The following AADACL2 variants were observed in gnomAD, a reference collection of about 807,000 sequenced individuals.
The protein encoded by AADACL2 is arylacetamide deacetylase like 2.
In AADACL2, 23 loss-of-function variants were observed where a neutral mutation model predicts 22.3. The observed-to-expected ratio is 1.03, with a 90% CI of 0.74 to 1.46. The LOEUF is 1.46. AADACL2 is among the 40% of genes most tolerant of loss of function. AADACL2 has a pLI of 0.00. For synonymous variants in AADACL2, 177 were observed against 166.2 expected, an observed-to-expected ratio of 1.07 and a Z score of -0.50; for missense variants, 472 against 482.9, an observed-to-expected ratio of 0.98 and a Z score of 0.21.
rs779655625 is a variant in AADACL2 at position 151,757,337 on chromosome 3, G to A, written c.949G>A (p.Ala317Thr). 1.2e-6 allele frequency: 2 copies of A among 1,613,770 alleles called. No individual in the cohort carries two copies. The highest frequency in any genetic ancestry group is 1.1e-5 in the South Asian group (1 of 91,064). ...YSLPGLTDSRALPLLANDSQL... is the reference protein window; with the variant it reads ...YSLPGLTDSRTLPLLANDSQL... Reference sequence around the variant, plus strand: ...ATTGCCAGGACTTACAGACAGCAGAGCATTACCCTTGTTGGCCAATGATTC... The same window carrying A: ...ATTGCCAGGACTTACAGACAGCAGAACATTACCCTTGTTGGCCAATGATTC... The change falls in exon 5 of 5, where the codon GCA (alanine) becomes ACA (threonine). Residue 317 changes from alanine (A) to threonine (T), a missense_variant. Transcript: ENST00000356517.
chr3:151,755,608 T>C (rs566877975), intron 4 of AADACL2, among the ~76,000 whole-genome samples: 23 of 152,240 alleles, frequency 1.5e-4, no homozygotes, highest in African/African-American at 4.1e-4. Flanking sequence ...TTTTGAAGAA[T>C]GTTAGAGGAA....
At position 151,744,356 on chromosome 3, in the gene AADACL2, A is replaced by C. The variant is rs554001671; in HGVS notation, c.431+194A>C. Among the ~76,000 whole-genome samples, 3 of 152,242 alleles carry C rather than the reference A, an allele frequency of 2.0e-5. No homozygotes were observed. In the East Asian group the frequency reaches 5.8e-4, roughly 29 times the overall value. On this transcript the variant is annotated intron_variant, in intron 3 of 4. Transcript: ENST00000356517. ...TTTTCTGTGATTGTGAGAATATCTGAATTATACCCCAGAGTAAGCAGTTTT... is the reference window on the plus strand; with the variant it reads ...TTTTCTGTGATTGTGAGAATATCTGCATTATACCCCAGAGTAAGCAGTTTT...
chr3:151,756,494 A>G (rs1397216379), intron 4 of AADACL2, among the ~76,000 whole-genome samples: 1 of 152,024 alleles, frequency 6.6e-6, no homozygotes, highest in African/African-American at 2.4e-5. Context: ...CCTTGTTTCC[A>G]AAGAATATAT....
Position 151,740,686 on chromosome 3 carries a change from A to G in AADACL2, c.179A>G (p.Glu60Gly). Residue 60 changes from glutamate to glycine, a missense_variant, in exon 2 of 5, where the codon GAG (glutamate) becomes GGG (glycine). Physicochemically the swap from Glu to Gly is moderately conservative, Grantham distance 98. Coordinates refer to ENST00000356517, the MANE Select transcript of AADACL2 (RefSeq NM_207365.4). ...FENMRIMRYE[E>G]FISMIFRLDY... is the part of the protein sequence containing the mutation. The stretch of plus-strand genomic sequence containing the variant: ...AATATGCGTATTATGAGATATGAAG[A>G]GTTTATATCCATGATATTCAGGCTG... 1.9e-6 allele frequency: 3 copies of G among 1,613,412 alleles called. No individual in the cohort carries two copies. Among genetic ancestry groups the G allele is most frequent in the Non-Finnish European group, 1.7e-6 (2 of 1,179,610 alleles).
Position 151,740,843 on chromosome 3 carries a change from T to C in AADACL2, c.336T>C (p.Gly112=), listed in dbSNP as rs529240838. Residue 112 remains glycine (G), a synonymous_variant, in exon 2 of 5, where the codon GGT becomes GGC. Coordinates refer to ENST00000356517, the MANE Select transcript of AADACL2 (RefSeq NM_207365.4). ...TRRRAVIYFH[G]GGFCFGSSKQ... is the part of the protein sequence containing the mutation. ...GGCGAGCTGTGATATATTTTCATGG[T>C]GGTGGTTTTTGTTTTGGAAGTTCCA... 41 of 1,613,894 alleles carry C rather than the reference T, an allele frequency of 2.5e-5. No individual in the cohort carries two copies. In the South Asian group the frequency reaches 4.1e-4, roughly 16 times the overall value.
In AADACL2 at chr3:151,745,442, CT is replaced by C. The variant is rs1713406839; in HGVS notation, c.432-66del. On this transcript the variant is annotated intron_variant, in intron 3 of 4. Transcript: ENST00000356517. ...AATAAAGACTGGCATTAAATTGCAT[CT>C]ATTTGGTATTTGAGAATTAGATGGA... 4 of 1,483,460 alleles carry C rather than the reference CT, an allele frequency of 2.7e-6. No homozygotes were observed. In the South Asian group the frequency reaches 5.1e-5, roughly 19 times the overall value. 91.9% of individuals were successfully genotyped at this position (1,483,460 alleles called of 1,614,324 possible).
In AADACL2 at chr3:151,740,741, C is replaced by T. The variant is rs749624213; in HGVS notation, c.234C>T (p.Tyr78=). 6.2e-7 allele frequency: 1 copy of T among 1,613,848 alleles called. No individual in the cohort carries two copies. Among genetic ancestry groups the T allele is most frequent in the East Asian group, 2.2e-5 (1 of 44,822 alleles). The change falls in exon 2 of 5, where the codon TAC becomes TAT. Residue 78 remains tyrosine, a synonymous_variant. Transcript: ENST00000356517. ...LDYTQPLSDE[Y]ITVTDTTFVD... is the part of the protein sequence containing the mutation. Reference sequence around the variant, plus strand: ...ATACCCAACCACTTTCAGATGAATACATCACAGTGACTGATACAACATTTG... The same window carrying T: ...ATACCCAACCACTTTCAGATGAATATATCACAGTGACTGATACAACATTTG...
Position 151,757,013 on chromosome 3 carries a change from A to T in AADACL2, c.625A>T (p.Lys209Ter). The change falls in exon 5 of 5, where the codon AAA becomes TAA. Residue 209 changes from lysine (K) to a stop codon, truncating the protein, a stop_gained. Coordinates refer to ENST00000356517, the MANE Select transcript of AADACL2 (RefSeq NM_207365.4). LOFTEE classifies it low-confidence loss of function (END_TRUNC). ...TQQVQNDAEIKHKIKMQVLLY... is the reference protein window; with the variant it reads ...TQQVQNDAEI ...TCAGGTGCAGAATGATGCTGAAATA[A>T]AACATAAAATCAAGATGCAAGTCTT... 5 of 1,604,864 alleles carry T rather than the reference A, an allele frequency of 3.1e-6. No individual in the cohort carries two copies. The highest frequency in any genetic ancestry group is 3.4e-6 in the Non-Finnish European group (4 of 1,177,192).
chr3:151,743,572 A>G (rs984944346), intron 2 of AADACL2, among the ~76,000 whole-genome samples: 5 of 152,144 alleles, frequency 3.3e-5, no homozygotes, highest in East Asian at 3.9e-4. Context: ...CTTAATGCCA[A>G]TGTTATTGGA....
At chr3:151,746,018 T>C (rs1453333041) in intron 4 of AADACL2, among the ~76,000 whole-genome samples, 3 of 152,172 alleles carry the variant, frequency 2.0e-5, no homozygotes, top group South Asian at 2.1e-4. Context: ...TAGGATTGCA[T>C]TGAATCTATA....
chr3:151,757,362 C>A lies in AADACL2; in HGVS notation c.974C>A (p.Ser325Tyr). The stretch of plus-strand genomic sequence containing the variant: ...GCATTACCCTTGTTGGCCAATGATT[C>A]TCAGTTACAGAATTTGCCACTAACC... ...SRALPLLAND[S>Y]QLQNLPLTYI... is the part of the protein sequence containing the mutation. The change falls in exon 5 of 5, where the codon TCT becomes TAT. Residue 325 changes from serine to tyrosine, a missense_variant. Transcript: ENST00000356517. The A allele has an allele frequency of 6.2e-7, 1 of 1,613,742 alleles. No individual in the cohort carries two copies. Among genetic ancestry groups the A allele is most frequent in the Non-Finnish European group, 8.5e-7 (1 of 1,179,720 alleles).
At chr3:151,756,250 C>T (rs1316166174) in intron 4 of AADACL2, among the ~76,000 whole-genome samples, 3 of 152,114 alleles carry the variant, frequency 2.0e-5, no homozygotes, top group Middle Eastern at 3.2e-3. Flanking sequence ...ACCTCAAATG[C>T]CTTTCTCTTT....
chr3:151,742,672 T>C (rs1227080843), intron 2 of AADACL2, among the ~76,000 whole-genome samples: 2 of 152,142 alleles, frequency 1.3e-5, no homozygotes, highest in African/African-American at 2.4e-5. Flanking sequence ...CATCACTTTG[T>C]TCCCAGAGAA....
chr3:151,741,038 A>G (rs1475751189), intron 2 of AADACL2, among the ~76,000 whole-genome samples, 170 bp downstream of exon 2: 1 of 152,338 alleles, frequency 6.6e-6, no homozygotes, highest in Admixed American at 6.5e-5. Context: ...AGACATAGAC[A>G]TATGTTTGGC....
intron 1 of AADACL2, among the ~76,000 whole-genome samples, chr3:151,735,704 G>A (rs1332184756): frequency 6.6e-6 from 1 of 152,224 alleles, no homozygotes; most frequent in African/African-American, 2.4e-5. Flanking sequence ...GTTGCAGTGA[G>A]CTGAGATCGT....
At chr3:151,750,058 AT>A (rs1349624962) in intron 4 of AADACL2, among the ~76,000 whole-genome samples, 1 of 152,000 alleles carries the variant, frequency 6.6e-6, no homozygotes, top group Non-Finnish European at 1.5e-5. Flanking sequence ...AAGATATTGC[AT>A]TTTGTCAAGT....
Position 151,761,011 on chromosome 3 carries a change from A to T in AADACL2, c.*3417A>T, listed in dbSNP as rs906131689. 1 of 151,612 alleles carries T rather than the reference A, an allele frequency of 6.6e-6. No homozygotes were observed. Among genetic ancestry groups the T allele is most frequent in the Non-Finnish European group, 1.5e-5 (1 of 67,922 alleles). 9.4% of individuals were successfully genotyped at this position (151,612 alleles called of 1,614,324 possible). A position where few individuals can be genotyped will look rare whatever the true frequency, so the allele number is the denominator to read the frequency against. On this transcript the variant is annotated 3_prime_UTR_variant, in exon 5 of 5. Coordinates refer to ENST00000356517, the MANE Select transcript of AADACL2 (RefSeq NM_207365.4). ...TTTTAACCTGACTGTCTTTGTAAAG[A>T]CCCTATCTGCAAATAAAATCACATG...
At chr3:151,734,660 A>T (rs1713033694) in intron 1 of AADACL2, among the ~76,000 whole-genome samples, 1 of 152,154 alleles carries the variant, frequency 6.6e-6, no homozygotes. Flanking sequence ...CTGACTTGGC[A>T]TGTGCAGAAT....
chr3:151,736,538 T>C (rs750198006), intron 1 of AADACL2, among the ~76,000 whole-genome samples: 9 of 152,138 alleles, frequency 5.9e-5, no homozygotes, highest in African/African-American at 9.7e-5. Context: ...TGTGTTCTCA[T>C]TGTTAGACTC....
Sources: allele counts gnomAD v4.1 joint callset (sites outside exome capture counted in the v4.1 genomes callset), GRCh38; gene constraint gnomAD v4.1.1; transcripts MANE v1.5; gene names NCBI Gene and HGNC (gene_info 2026-07-23, HGNC 2026-07-21).